Variants in FBXL7 observed in about 807,000 individuals in gnomAD.
The protein encoded by FBXL7 is F-box and leucine rich repeat protein 7, also known as F-box/LRR-repeat protein 7.
A neutral mutation model predicts 38.3 loss-of-function variants in FBXL7; 12 were observed. That is an observed-to-expected ratio of 0.31 (90% confidence interval 0.20 to 0.51). The LOEUF is 0.51. Ranked by LOEUF, FBXL7 falls within the 20% of genes least tolerant of loss-of-function variation. The pLI, the probability that FBXL7 is intolerant of heterozygous loss-of-function variation, is 0.98. For synonymous variants in FBXL7, 297 were observed against 300.9 expected, an observed-to-expected ratio of 0.99 and a Z score of 0.13; for missense variants, 567 against 676.4, an observed-to-expected ratio of 0.84 and a Z score of 1.79.
At chr5:15,720,656 ATTTC>A (rs1182745614) in intron 2 of FBXL7, among the ~76,000 whole-genome samples, 1 of 148,434 alleles carries the variant, frequency 6.7e-6, no homozygotes, top group African/African-American at 2.5e-5. Context: ...GCCAATAATT[ATTTC>A]TTCTAATATG....
chr5:15,831,196 G>C (rs1406207616), intron 2 of FBXL7, among the ~76,000 whole-genome samples: 2 of 152,184 alleles, frequency 1.3e-5, no homozygotes, highest in African/African-American at 2.4e-5. Context: ...GGAATAAGTA[G>C]CTTGTGAAGG....
chr5:15,870,299 T>C (rs1739899201), intron 2 of FBXL7, among the ~76,000 whole-genome samples: 1 of 151,964 alleles, frequency 6.6e-6, no homozygotes, highest in African/African-American at 2.4e-5. Context: ...TGGCAATGTA[T>C]GAAGAGCAGA....
chr5:15,799,714 C>G (rs1473724427), intron 2 of FBXL7, among the ~76,000 whole-genome samples: 2 of 152,122 alleles, frequency 1.3e-5, no homozygotes, highest in East Asian at 3.9e-4. Flanking sequence ...TGTCTTAATT[C>G]AAAAGCTTGA....
chr5:15,657,268 C>T (rs1478459088), intron 2 of FBXL7, among the ~76,000 whole-genome samples: 1 of 151,858 alleles, frequency 6.6e-6, no homozygotes, highest in African/African-American at 2.4e-5. Flanking sequence ...TGAAAATTGC[C>T]CAGAAAATGT....
chr5:15,664,008 A>G (rs1235430484), intron 2 of FBXL7, among the ~76,000 whole-genome samples: 1 of 152,146 alleles, frequency 6.6e-6, no homozygotes, highest in East Asian at 1.9e-4. Flanking sequence ...TTGTTTCCTC[A>G]TAATCCTGTC....
chr5:15,643,844 G>A (rs1461306782), intron 2 of FBXL7, among the ~76,000 whole-genome samples: 1 of 152,152 alleles, frequency 6.6e-6, no homozygotes, highest in Non-Finnish European at 1.5e-5. Flanking sequence ...GGCTCCTTGG[G>A]GTTCATGTGA....
At chr5:15,710,422 A>T (rs1208244783) in intron 2 of FBXL7, among the ~76,000 whole-genome samples, 2 of 152,054 alleles carry the variant, frequency 1.3e-5, no homozygotes. Context: ...GCTTAATCTC[A>T]TACATTTAGG....
At chr5:15,645,115 CT>C (rs1217524687) in intron 2 of FBXL7, among the ~76,000 whole-genome samples, 1 of 152,158 alleles carries the variant, frequency 6.6e-6, no homozygotes. Flanking sequence ...AAATCATTTT[CT>C]GTTTTTGTTG....
intron 1 of FBXL7, among the ~76,000 whole-genome samples, chr5:15,543,693 G>A (rs1279616503): frequency 6.6e-6 from 1 of 152,168 alleles, no homozygotes; most frequent in Non-Finnish European, 1.5e-5. Context: ...AGTCGCATGT[G>A]CTAAACACTA....
chr5:15,927,764 TA>T (rs753935096), intron 2 of FBXL7, 125 bp from the exon 3 acceptor site: 34,513 of 450,188 alleles, frequency 0.077, 4 homozygotes, highest in East Asian at 0.22. Flanking sequence ...GACAAGATCT[TA>T]AAAAAAAAAA....
chr5:15,902,357 A>G (rs1197265020), intron 2 of FBXL7, among the ~76,000 whole-genome samples: 1 of 152,192 alleles, frequency 6.6e-6, no homozygotes, highest in African/African-American at 2.4e-5. Flanking sequence ...CCACACAGTC[A>G]TTACTATTAC....
chr5:15,871,804 C>T (rs539132119), intron 2 of FBXL7, among the ~76,000 whole-genome samples: 38 of 152,120 alleles, frequency 2.5e-4, no homozygotes, highest in African/African-American at 8.4e-4. Flanking sequence ...AAAAAACCAA[C>T]GTTTGATTGA....
At chr5:15,889,765 G>T (rs1403650942) in intron 2 of FBXL7, among the ~76,000 whole-genome samples, 1 of 152,142 alleles carries the variant, frequency 6.6e-6, no homozygotes, top group East Asian at 1.9e-4. Flanking sequence ...ATGACTGCAG[G>T]CATATGGCAC....
At chr5:15,645,877 A>G (rs1057323743) in intron 2 of FBXL7, among the ~76,000 whole-genome samples, 8 of 152,242 alleles carry the variant, frequency 5.3e-5, no homozygotes, top group Non-Finnish European at 1.2e-4. Context: ...GTTGTTGCCT[A>G]GCCTTCCTGT....
At chr5:15,550,271 C>A (rs969955123) in intron 1 of FBXL7, among the ~76,000 whole-genome samples, 1 of 152,094 alleles carries the variant, frequency 6.6e-6, no homozygotes, top group East Asian at 1.9e-4. Flanking sequence ...TATCACTAAG[C>A]TGTTGGGAGA....
intron 2 of FBXL7, among the ~76,000 whole-genome samples, chr5:15,745,838 T>C (rs115513589): frequency 3.3e-5 from 5 of 152,294 alleles, no homozygotes; most frequent in East Asian, 1.9e-4. Context: ...ATGGAATCCA[T>C]TGGAGAGTTT....
At chr5:15,737,541 G>A (rs933014238) in intron 2 of FBXL7, among the ~76,000 whole-genome samples, 5 of 152,184 alleles carry the variant, frequency 3.3e-5, no homozygotes, top group African/African-American at 1.2e-4. Context: ...GGGAATGTTG[G>A]AAGGGCATTG....
At chr5:15,897,437 C>G (rs1173708475) in intron 2 of FBXL7, among the ~76,000 whole-genome samples, 1 of 152,148 alleles carries the variant, frequency 6.6e-6, no homozygotes, top group Admixed American at 6.5e-5. Context: ...AGTTTACAGT[C>G]TGGTAGTAGG....
chr5:15,540,011 A>G (rs1488705049), intron 1 of FBXL7, among the ~76,000 whole-genome samples: 1 of 151,956 alleles, frequency 6.6e-6, no homozygotes, highest in African/African-American at 2.4e-5. Context: ...AAAATAAGTA[A>G]TTCTGCCCGA....
Sources: gnomAD v4.1 joint callset for allele counts (sites outside exome capture counted in the v4.1 genomes callset) on GRCh38, gnomAD v4.1.1 for gene constraint, MANE v1.5 for transcripts, NCBI Gene and HGNC (gene_info 2026-07-23, HGNC 2026-07-21) for gene names.